PRKN: variants seen among roughly 807,000 people sequenced by gnomAD.
The protein encoded by PRKN is parkin RBR E3 ubiquitin protein ligase.
Under a neutral mutation model 59.5 loss-of-function variants are expected in PRKN, and 56 were observed. That is an observed-to-expected ratio of 0.94 (90% confidence interval 0.76 to 1.18). PRKN has a LOEUF of 1.18. Ranked by LOEUF, PRKN falls within the 50% of genes most tolerant of loss-of-function variation. The probability of loss-of-function intolerance (pLI) is 0.00; values close to 1 mark genes in which losing one functional copy is unlikely to be tolerated. For synonymous variants in PRKN, 250 were observed against 222.1 expected, an observed-to-expected ratio of 1.13 and a Z score of -1.12; for missense variants, 657 against 596.4, an observed-to-expected ratio of 1.10 and a Z score of -1.06.
intron 1 of PRKN, among the ~76,000 whole-genome samples, chr6:162,605,129 TTAATA>T (rs1781859771): frequency 6.6e-6 from 1 of 152,324 alleles, no homozygotes; most frequent in South Asian, 2.1e-4. Flanking sequence ...TACTTCTAGC[TTAATA>T]TAATAGACCA....
rs1787023194 is a variant in PRKN, at chr6:161,400,945, A to AGAT, written c.1084-14071_1084-14069dup. ...CTTTGTCAAATCTTGGACCAGGGAC[A>AGAT]GATAGCGTCCAGGCCATTACTCAAG... On this transcript the variant is annotated intron_variant, in intron 9 of 11. Transcript: ENST00000366898. This position sits in a 1 kb window ranked among gnomAD's most constrained non-coding sequence, Gnocchi z 4.2. Among the ~76,000 whole-genome samples, 2 of 152,332 alleles carry AGAT rather than the reference A, an allele frequency of 1.3e-5. No individual in the cohort carries two copies. Among genetic ancestry groups the AGAT allele is most frequent in the South Asian group, 4.1e-4 (2 of 4,834 alleles).
In PRKN at chr6:162,551,262, C is replaced by T. The variant is rs182282222; in HGVS notation, c.8-107789G>A. ...TACTAATTCCACCAGGTATAAATCT[C>T]ACCCACCAGACCAACGTCTGAAAAC... On this transcript the variant is annotated intron_variant, in intron 1 of 11. Transcript: ENST00000366898. 2.0e-5 allele frequency among the ~76,000 whole-genome samples: 3 copies of T among 152,264 alleles called. No homozygotes were observed. In the East Asian group the frequency reaches 5.8e-4, roughly 29 times the overall value.
At chr6:161,434,534 C>T (rs1788794852) in intron 9 of PRKN, among the ~76,000 whole-genome samples, 1 of 152,132 alleles carries the variant, frequency 6.6e-6, no homozygotes, top group Non-Finnish European at 1.5e-5. Flanking sequence ...CTGGGGTGTG[C>T]GCTGACTTGT....
rs1465408848 is a variant in PRKN at position 161,488,263 on chromosome 6, CA to C, written c.1083+60590del. Among the ~76,000 whole-genome samples, 3 of 152,080 alleles carry C rather than the reference CA, an allele frequency of 2.0e-5. No individual in the cohort carries two copies. Among genetic ancestry groups the C allele is most frequent in the Non-Finnish European group, 4.4e-5 (3 of 68,008 alleles). ...CAAGTCTGCTTCATTTAGAGAACAC[CA>C]TGAAGGGCCAGGGTACTGGAGCATT... On this transcript the variant is annotated intron_variant, in intron 9 of 11. Transcript: ENST00000366898. The surrounding 1 kb of genome is among the most constrained non-coding windows in gnomAD (Gnocchi z 4.5).
At chr6:161,606,302 C>T (rs760187572) in intron 7 of PRKN, among the ~76,000 whole-genome samples, 2 of 152,092 alleles carry the variant, frequency 1.3e-5, no homozygotes, top group African/African-American at 2.4e-5. Flanking sequence ...CTGGGAGACA[C>T]ATTTAAGAGC....
At chr6:161,749,034 G>A (rs1387965444) in intron 7 of PRKN, among the ~76,000 whole-genome samples, 1 of 152,168 alleles carries the variant, frequency 6.6e-6, no homozygotes, top group Non-Finnish European at 1.5e-5. Context: ...TGGAAGGTTG[G>A]CAAAACCAAG....
intron 4 of PRKN, among the ~76,000 whole-genome samples, chr6:162,172,914 G>C (rs565040166): frequency 6.6e-6 from 1 of 152,132 alleles, no homozygotes; most frequent in African/African-American, 2.4e-5. Context: ...AGAGGAAGAA[G>C]GGGGGCGTGT....
At chr6:161,708,461 GAA>G (rs67537331) in intron 7 of PRKN, among the ~76,000 whole-genome samples, 5,506 of 124,640 alleles carry the variant, frequency 0.044, 290 homozygotes, top group African/African-American at 0.13. Flanking sequence ...GTTGATTTCA[GAA>G]AAAAAAAAAA....
intron 2 of PRKN, among the ~76,000 whole-genome samples, chr6:162,314,670 C>T (rs1430949693): frequency 6.6e-6 from 1 of 152,118 alleles, no homozygotes; most frequent in Non-Finnish European, 1.5e-5. Context: ...AAAGGTATGT[C>T]CAGAACTGAC....
chr6:161,444,137 G>T lies in PRKN; in HGVS notation c.1084-57260C>A, dbSNP rs1789380096. On this transcript the variant is annotated intron_variant, in intron 9 of 11. Coordinates refer to ENST00000366898, the MANE Select transcript of PRKN (RefSeq NM_004562.3). This position sits in a 1 kb window ranked among gnomAD's most constrained non-coding sequence, Gnocchi z 5.6. ...GGACTGGGGGACTGGGAATCGGCCA[G>T]GCCAGGCCCAGCGGGTGGGAGCTGC... Among the ~76,000 whole-genome samples the T allele has an allele frequency of 6.6e-6, 1 of 152,198 alleles. No individual in the cohort carries two copies. Among genetic ancestry groups the T allele is most frequent in the Admixed American group, 6.5e-5 (1 of 15,288 alleles).
Position 161,440,872 on chromosome 6 carries a change from A to G in PRKN, c.1084-53995T>C, listed in dbSNP as rs1272635413. ...CCAGCATCTCTCCAGAATACAAATA[A>G]GAGTCTAATGTGATAAGAGGCTGAA... On this transcript the variant is annotated intron_variant, in intron 9 of 11. Transcript: ENST00000366898. This position sits in a 1 kb window ranked among gnomAD's most constrained non-coding sequence, Gnocchi z 4.1. Among the ~76,000 whole-genome samples the G allele has an allele frequency of 2.0e-5, 3 of 152,176 alleles. No individual in the cohort carries two copies.
At chr6:162,384,397 A>C (rs1786669861) in intron 2 of PRKN, among the ~76,000 whole-genome samples, 1 of 152,110 alleles carries the variant, frequency 6.6e-6, no homozygotes, top group African/African-American at 2.4e-5. Flanking sequence ...GAGGTGGGGG[A>C]ACTGCTGGTC....
Position 161,874,155 on chromosome 6 carries a change from ATT to A in PRKN, c.735-88249_735-88248del, listed in dbSNP as rs1340241233. ...ATATTATATGTAAAATATAATATAT[ATT>A]ATATATAATATATAATATATATTAT... On this transcript the variant is annotated intron_variant, in intron 6 of 11. Coordinates refer to ENST00000366898, the MANE Select transcript of PRKN (RefSeq NM_004562.3). Among the ~76,000 whole-genome samples the A allele has an allele frequency of 1.8e-4, 9 of 50,168 alleles. 3 individuals are homozygous for A. The highest frequency in any genetic ancestry group is 9.0e-4 in the African/African-American group (9 of 9,956). 32.9% of individuals were successfully genotyped at this position (50,168 alleles called of 152,430 possible).
chr6:162,539,811 A>G (rs925366871), intron 1 of PRKN, among the ~76,000 whole-genome samples: 1 of 152,250 alleles, frequency 6.6e-6, no homozygotes, highest in Admixed American at 6.5e-5. Flanking sequence ...GAAAGATTAT[A>G]AAGACACATG....
chr6:161,680,934 A>G (rs1289874678), intron 7 of PRKN, among the ~76,000 whole-genome samples: 3 of 151,526 alleles, frequency 2.0e-5, no homozygotes, highest in Non-Finnish European at 4.4e-5. Context: ...CATGTCTGGT[A>G]ATAGGTTTTT....
chr6:161,757,763 G>A (rs559277795), intron 7 of PRKN, among the ~76,000 whole-genome samples: 13 of 150,896 alleles, frequency 8.6e-5, no homozygotes, highest in Non-Finnish European at 1.3e-4. Context: ...GCTTGAACCC[G>A]GGATGCAGAG....
chr6:162,530,965 G>A (rs1313356187), intron 1 of PRKN, among the ~76,000 whole-genome samples: 1 of 147,558 alleles, frequency 6.8e-6, no homozygotes, highest in Admixed American at 7.0e-5. Flanking sequence ...CCTGAGGCAG[G>A]AGAATTGCTT....
intron 5 of PRKN, among the ~76,000 whole-genome samples, chr6:161,988,023 T>C (rs1562440299): frequency 6.6e-6 from 1 of 152,070 alleles, no homozygotes; most frequent in Admixed American, 6.5e-5. Flanking sequence ...TATAGAACAA[T>C]TCTCAGGCGA....
At chr6:162,027,410 A>G (rs1474783102) in intron 5 of PRKN, among the ~76,000 whole-genome samples, 1 of 152,190 alleles carries the variant, frequency 6.6e-6, no homozygotes, top group Non-Finnish European at 1.5e-5. Context: ...ATCCTGTCAG[A>G]GAATTGCTCT....
Sources: allele counts gnomAD v4.1 joint callset (sites outside exome capture counted in the v4.1 genomes callset), GRCh38; gene constraint gnomAD v4.1.1; non-coding constraint Gnocchi (gnomAD v3.1); transcripts MANE v1.5; gene names NCBI Gene and HGNC (gene_info 2026-07-23, HGNC 2026-07-21).